Variants in MARCHF1 observed in about 807,000 individuals in gnomAD.
MARCHF1 encodes the protein E3 ubiquitin-protein ligase MARCHF1.
In MARCHF1, 40 loss-of-function variants were observed where a neutral mutation model predicts 54.2. That is an observed-to-expected ratio of 0.74 (90% CI 0.57 to 0.96). The LOEUF (loss-of-function observed/expected upper bound fraction) is 0.96. MARCHF1 is among the 40% of genes least tolerant of loss of function. The pLI is 0.00. For synonymous variants in MARCHF1, 236 were observed against 236.3 expected (o/e 1.00, Z 0.01); for missense variants, 586 against 656.5 (o/e 0.89, Z 1.17).
At chr4:164,187,799 T>G (rs927001614) in intron 1 of MARCHF1, among the ~76,000 whole-genome samples, 5 of 152,206 alleles carry the variant, frequency 3.3e-5, no homozygotes, top group Non-Finnish European at 5.9e-5. Flanking sequence ...ATGATAGGAA[T>G]TATATTATTT....
intron 7 of MARCHF1, among the ~76,000 whole-genome samples, chr4:163,599,311 ATGT>A (rs1740874871): frequency 6.6e-6 from 1 of 150,880 alleles, no homozygotes; most frequent in Non-Finnish European, 1.5e-5. Context: ...ATATATATAT[ATGT>A]TTTATTTTAC....
intron 3 of MARCHF1, among the ~76,000 whole-genome samples, chr4:163,912,065 GTTT>G (rs70948676): frequency 0.18 from 27,158 of 149,212 alleles, 2,987 homozygotes; most frequent in South Asian, 0.31. Flanking sequence ...GGAATGCAGG[GTTT>G]TTTTTTTTTT....
At chr4:164,259,360 T>C (rs954715550) in intron 1 of MARCHF1, among the ~76,000 whole-genome samples, 10 of 151,684 alleles carry the variant, frequency 6.6e-5, no homozygotes, top group Non-Finnish European at 1.5e-4. Context: ...CTGGCCAACA[T>C]GGTGAAACCC....
In MARCHF1 at chr4:163,784,352, A is replaced by G. The variant is rs2110915899; in HGVS notation, c.111+69669T>C. On this transcript the variant is annotated intron_variant, in intron 4 of 9. Transcript: ENST00000514618. Reference sequence around the variant, plus strand: ...TGGGCCAGGGCATTATGTAGTCAACACACATTTTAGCTAGTCTATAGAGGA... The same window carrying G: ...TGGGCCAGGGCATTATGTAGTCAACGCACATTTTAGCTAGTCTATAGAGGA... Among the ~76,000 whole-genome samples the G allele has an allele frequency of 2.0e-5, 3 of 152,254 alleles. 1 individual carries two copies. In the East Asian group the frequency reaches 5.8e-4, roughly 29 times the overall value.
intron 4 of MARCHF1, among the ~76,000 whole-genome samples, chr4:163,723,498 T>C (rs1464970865): frequency 6.6e-6 from 1 of 152,182 alleles, no homozygotes; most frequent in Non-Finnish European, 1.5e-5. Context: ...GACAATTATG[T>C]GTCTTGGAGT....
chr4:163,941,554 T>C (rs767485630), intron 3 of MARCHF1, among the ~76,000 whole-genome samples: 4 of 152,256 alleles, frequency 2.6e-5, no homozygotes, highest in Non-Finnish European at 4.4e-5. Flanking sequence ...CTGTTTACTT[T>C]GTGTGACCTT....
At chr4:164,032,728 T>C (rs1296928765) in intron 2 of MARCHF1, among the ~76,000 whole-genome samples, 1 of 152,178 alleles carries the variant, frequency 6.6e-6, no homozygotes, top group African/African-American at 2.4e-5. Flanking sequence ...CTTTTGTATT[T>C]GCTGAGGAGT....
At chr4:163,912,225 T>A (rs754762218) in intron 3 of MARCHF1, among the ~76,000 whole-genome samples, 9 of 152,148 alleles carry the variant, frequency 5.9e-5, no homozygotes, top group Non-Finnish European at 8.8e-5. Flanking sequence ...ACCTAGTTGC[T>A]GTGAGGAAGG....
intron 5 of MARCHF1, among the ~76,000 whole-genome samples, chr4:163,647,791 A>G (rs1742815101): frequency 6.6e-6 from 1 of 151,874 alleles, no homozygotes; most frequent in Non-Finnish European, 1.5e-5. Context: ...AGTAATAAAT[A>G]TGTACATTTA....
chr4:163,671,337 T>C (rs1479592377), intron 5 of MARCHF1, among the ~76,000 whole-genome samples: 1 of 152,210 alleles, frequency 6.6e-6, no homozygotes, highest in East Asian at 1.9e-4. Context: ...ATCAGCACTC[T>C]GTCTACTTCA....
At chr4:163,717,165 G>C (rs2111274016) in intron 4 of MARCHF1, among the ~76,000 whole-genome samples, 1 of 114,338 alleles carries the variant, frequency 8.7e-6, no homozygotes, top group East Asian at 2.7e-4. Context: ...CCCCATAACA[G>C]GCCCCAGTGT....
intron 3 of MARCHF1, among the ~76,000 whole-genome samples, chr4:163,889,923 T>TTC (rs1560805237): frequency 5.3e-5 from 6 of 113,886 alleles, no homozygotes; most frequent in Admixed American, 1.0e-4. Flanking sequence ...TATTTTCTTT[T>TTC]TTCTTTTTTT....
chr4:164,350,444 T>G (rs1225878684), intron 1 of MARCHF1, among the ~76,000 whole-genome samples: 1 of 152,188 alleles, frequency 6.6e-6, no homozygotes, highest in African/African-American at 2.4e-5. Context: ...TATGACACCA[T>G]AGGATGAATA....
intron 2 of MARCHF1, among the ~76,000 whole-genome samples, chr4:164,066,071 C>G (rs1666105770): frequency 6.6e-6 from 1 of 152,144 alleles, no homozygotes; most frequent in Non-Finnish European, 1.5e-5. Context: ...TACCAGCTAT[C>G]TAGGCACCCT....
chr4:163,691,151 T>C (rs1233929772), intron 5 of MARCHF1, among the ~76,000 whole-genome samples: 1 of 152,210 alleles, frequency 6.6e-6, no homozygotes, highest in Non-Finnish European at 1.5e-5. Context: ...CTCTCAAGCA[T>C]CTTCAAAAGG....
At chr4:164,229,490 G>A (rs1368936721) in intron 1 of MARCHF1, among the ~76,000 whole-genome samples, 1 of 152,170 alleles carries the variant, frequency 6.6e-6, no homozygotes, top group African/African-American at 2.4e-5. Flanking sequence ...GGAACTCCCA[G>A]ACAGAGTTTG....
intron 1 of MARCHF1, among the ~76,000 whole-genome samples, chr4:164,114,956 C>T (rs1755910792): frequency 1.3e-5 from 2 of 151,956 alleles, no homozygotes; most frequent in Admixed American, 1.3e-4. Flanking sequence ...AAAACAAGTT[C>T]TGAAGAATCA....
At chr4:163,638,236 G>T (rs1045920894) in intron 5 of MARCHF1, among the ~76,000 whole-genome samples, 6 of 135,878 alleles carry the variant, frequency 4.4e-5, no homozygotes, top group African/African-American at 2.0e-4. Context: ...AAAACTTAAA[G>T]TATAATAAAA....
chr4:164,255,901 T>C (rs1321613428), intron 1 of MARCHF1, among the ~76,000 whole-genome samples: 2 of 152,106 alleles, frequency 1.3e-5, no homozygotes, highest in Admixed American at 1.3e-4. Context: ...ATAAACTTAA[T>C]TGCTTTGACT....
Sources: allele counts gnomAD v4.1 joint callset (sites outside exome capture counted in the v4.1 genomes callset), GRCh38; gene constraint gnomAD v4.1.1; transcripts MANE v1.5; gene names NCBI Gene and HGNC (gene_info 2026-07-23, HGNC 2026-07-21).